DOCK2: variants seen among roughly 807,000 people sequenced by gnomAD.
DOCK2 encodes dedicator of cytokinesis protein 2.
In DOCK2, 87 loss-of-function variants were observed where a neutral mutation model predicts 248.9. The ratio of observed to expected loss-of-function variants is 0.35; its 90% confidence interval spans 0.29 to 0.42. DOCK2 has a LOEUF of 0.42. DOCK2 is among the 10% of genes least tolerant of loss of function. DOCK2 has a pLI of 1.00. For synonymous variants in DOCK2, 805 were observed against 821.6 expected, an observed-to-expected ratio of 0.98 and a Z score of 0.35; for missense variants, 1,747 against 2,300.2, an observed-to-expected ratio of 0.76 and a Z score of 4.92.
At chr5:169,756,534 A>G (rs969632012) in intron 23 of DOCK2, among the ~76,000 whole-genome samples, 2 of 152,200 alleles carry the variant, frequency 1.3e-5, no homozygotes, top group Admixed American at 1.3e-4. Flanking sequence ...GAGTGAACAA[A>G]TGAGCCTAGG....
At position 169,714,068 on chromosome 5, in the gene DOCK2, C is replaced by T. The variant is rs540284796; in HGVS notation, c.1700C>T (p.Thr567Ile). The change falls in exon 18 of 52, where the codon ACC (threonine) becomes ATC (isoleucine). Residue 567 changes from threonine (T) to isoleucine (I), a missense_variant. Thr to Ile is a moderately conservative substitution (Grantham distance 89, BLOSUM62 -1). Around this residue, in one of 4 missense-constraint regions of DOCK2, gnomAD observed 858 missense variants for 1,183.5 expected, o/e 0.72. Coordinates refer to ENST00000520908, the MANE Select transcript of DOCK2 (RefSeq NM_004946.3). ...ATGGAGGATGCCAGCGCATACCTGA[C>T]CCTTCCTTCTTATCGACACCATGTG... ...KKMEDASAYLTLPSYRHHVEN... is the reference protein window; with the variant it reads ...KKMEDASAYLILPSYRHHVEN... The T allele has an allele frequency of 3.1e-6, 5 of 1,612,932 alleles. No individual in the cohort carries two copies. Among genetic ancestry groups the T allele is most frequent in the Non-Finnish European group, 4.2e-6 (5 of 1,179,422 alleles).
chr5:169,855,046 C>T (rs1460840034), intron 27 of DOCK2, among the ~76,000 whole-genome samples: 2 of 152,106 alleles, frequency 1.3e-5, no homozygotes, highest in Non-Finnish European at 2.9e-5. Flanking sequence ...CTTGGCAGAC[C>T]CTCAAAGAAC....
At chr5:169,754,434 C>G (rs1468259619) in intron 23 of DOCK2, among the ~76,000 whole-genome samples, 1 of 152,170 alleles carries the variant, frequency 6.6e-6, no homozygotes, top group African/African-American at 2.4e-5. Context: ...CACTCAGTGC[C>G]ACATGATCAC....
intron 27 of DOCK2, among the ~76,000 whole-genome samples, chr5:169,878,964 G>A (rs1375844507): frequency 1.3e-5 from 2 of 152,172 alleles, no homozygotes; most frequent in East Asian, 3.9e-4. Context: ...GGTGAGATAG[G>A]ATGTATCCAA....
chr5:169,966,229 T>C (rs886372941), intron 27 of DOCK2, among the ~76,000 whole-genome samples: 19 of 152,102 alleles, frequency 1.2e-4, no homozygotes, highest in Non-Finnish European at 1.0e-4. Context: ...ATAATGTACA[T>C]TGGTTGGTTG....
chr5:169,847,069 T>C lies in DOCK2; in HGVS notation c.2799+6217T>C, dbSNP rs759855353. 7.9e-5 allele frequency among the ~76,000 whole-genome samples: 12 copies of C among 152,238 alleles called. No individual in the cohort carries two copies. In the East Asian group the frequency reaches 9.6e-4, roughly 12 times the overall value. ...TGGCTGAGTAGTGTTCCATGGTGCA[T>C]ATATCCCACATTATCTACTCATTAG... On this transcript the variant is annotated intron_variant, in intron 27 of 51. Transcript: ENST00000520908.
At chr5:169,890,101 AAGTCAC>A (rs1773197528) in intron 27 of DOCK2, among the ~76,000 whole-genome samples, 1 of 152,222 alleles carries the variant, frequency 6.6e-6, no homozygotes, top group Non-Finnish European at 1.5e-5. Flanking sequence ...GACTTGTCCT[AAGTCAC>A]AGAGGTAGAC....
chr5:170,018,645 A>G (rs1755615923), intron 32 of DOCK2, among the ~76,000 whole-genome samples: 1 of 152,138 alleles, frequency 6.6e-6, no homozygotes, highest in South Asian at 2.1e-4. Context: ...TCTCTAACAT[A>G]TTCAATCATG....
chr5:169,969,454 AG>A (rs1322895737), intron 27 of DOCK2, among the ~76,000 whole-genome samples: 1 of 152,206 alleles, frequency 6.6e-6, no homozygotes, highest in African/African-American at 2.4e-5. Context: ...CAAAAAACAA[AG>A]AAAAAAGAAA....
intron 26 of DOCK2, among the ~76,000 whole-genome samples, chr5:169,826,509 G>A (rs404334): frequency 0.14 from 22,025 of 151,942 alleles, 2,363 homozygotes; most frequent in African/African-American, 0.3. Flanking sequence ...CTCTGAAGAA[G>A]ATGCCTGTAG....
chr5:169,771,894 A>G (rs1353206335), intron 25 of DOCK2, among the ~76,000 whole-genome samples: 1 of 152,180 alleles, frequency 6.6e-6, no homozygotes, highest in African/African-American at 2.4e-5. Context: ...CTTTATCTAC[A>G]GAGTTTATGT....
At chr5:169,917,260 G>A (rs1334666317) in intron 27 of DOCK2, among the ~76,000 whole-genome samples, 1 of 152,160 alleles carries the variant, frequency 6.6e-6, no homozygotes, top group Non-Finnish European at 1.5e-5. Context: ...TAAACTCCTA[G>A]TAGACCAGGC....
chr5:169,765,698 AAG>A (rs879427354), intron 25 of DOCK2, among the ~76,000 whole-genome samples: 7 of 152,184 alleles, frequency 4.6e-5, no homozygotes, highest in African/African-American at 7.2e-5. Flanking sequence ...GATTGACAGA[AAG>A]AGAGAGGGAA....
intron 22 of DOCK2, among the ~76,000 whole-genome samples, chr5:169,745,981 A>T (rs1390864338): frequency 6.6e-6 from 1 of 151,720 alleles, no homozygotes; most frequent in Non-Finnish European, 1.5e-5. Context: ...CCACTTCAAC[A>T]CTCCTTGTCT....
chr5:169,881,443 C>A, intron 27 of DOCK2: 1 of 1,551,362 alleles, frequency 6.4e-7, no homozygotes, highest in Non-Finnish European at 8.7e-7. Flanking sequence ...AAAGTTGCGC[C>A]TGCAAGACAG....
chr5:169,734,418 TTTG>T (rs1441652867), intron 22 of DOCK2, among the ~76,000 whole-genome samples: 3 of 152,172 alleles, frequency 2.0e-5, no homozygotes, highest in African/African-American at 7.2e-5. Context: ...CTTTATGCAT[TTTG>T]TTGTTTTTAT....
At chr5:169,884,078 G>A (rs774548953) in intron 27 of DOCK2, 65 of 468,430 alleles carry the variant, frequency 1.4e-4, no homozygotes, top group Non-Finnish European at 2.0e-4. Context: ...TAGAGTCTAC[G>A]TAGGAACTAT....
chr5:169,803,198 C>G lies in DOCK2; in HGVS notation c.2695C>G (p.Gln899Glu). ...LNSILEVLSY[Q>E]DAAFTYHHIQ... is the part of the protein sequence containing the mutation. ...CAGCATCTTGGAAGTCCTTAGCTAC[C>G]AGGATGCGGTGAGTCCTCCTGATGA... Residue 899 changes from glutamine to glutamate, a missense_variant, in exon 26 of 52, where the codon CAG becomes GAG. Gln to Glu is a conservative substitution (Grantham distance 29). This residue lies in a region of DOCK2 where 858 missense variants were observed against 1,183.5 expected (regional missense o/e 0.72). Transcript: ENST00000520908. 6.2e-7 allele frequency: 1 copy of G among 1,613,048 alleles called. No homozygotes were observed. The highest frequency in any genetic ancestry group is 8.5e-7 in the Non-Finnish European group (1 of 1,179,578).
chr5:169,907,755 A>C (rs1437855292), intron 27 of DOCK2, among the ~76,000 whole-genome samples: 3 of 152,164 alleles, frequency 2.0e-5, no homozygotes, highest in Non-Finnish European at 4.4e-5. Context: ...ACTAGGGGTG[A>C]CTTTGCCCCC....
Sources: gnomAD v4.1 joint callset for allele counts (sites outside exome capture counted in the v4.1 genomes callset) on GRCh38, gnomAD v4.1.1 for gene constraint, gnomAD v4.1.1 regional missense constraint, MANE v1.5 for transcripts, NCBI Gene and HGNC (gene_info 2026-07-23, HGNC 2026-07-21) for gene names.